The following SHISA6 variants were observed in gnomAD, a reference collection of about 807,000 sequenced individuals.
SHISA6 encodes protein shisa-6.
Under a neutral mutation model 47.9 loss-of-function variants are expected in SHISA6, and 22 were observed. The observed-to-expected ratio is 0.46, with a 90% CI of 0.33 to 0.66. The LOEUF is 0.66. Ranked by LOEUF, SHISA6 falls within the 30% of genes least tolerant of loss-of-function variation. The pLI is 0.02. For synonymous variants in SHISA6, 388 were observed against 337.8 expected (o/e 1.15, Z -1.63); for missense variants, 680 against 764.6 (o/e 0.89, Z 1.30).
intron 2 of SHISA6, among the ~76,000 whole-genome samples, chr17:11,265,751 A>C (rs1304871308): frequency 6.6e-6 from 1 of 152,110 alleles, no homozygotes; most frequent in Non-Finnish European, 1.5e-5. Context: ...TCTCATTCTC[A>C]AGCGAGCTGG....
chr17:11,462,651 C>T (rs1449776894), intron 3 of SHISA6, among the ~76,000 whole-genome samples: 1 of 151,976 alleles, frequency 6.6e-6, no homozygotes, highest in African/African-American at 2.4e-5. Context: ...GACAGGGTCT[C>T]ACTCTGTTGC....
chr17:11,400,797 A>G (rs967985496), intron 3 of SHISA6, among the ~76,000 whole-genome samples: 1 of 152,162 alleles, frequency 6.6e-6, no homozygotes, highest in Admixed American at 6.5e-5. Context: ...AGAATGCACA[A>G]TAGTTTTTCT....
chr17:11,556,056 T>C (rs1014479968), intron 5 of SHISA6, among the ~76,000 whole-genome samples, 164 bp downstream of exon 5: 3 of 152,202 alleles, frequency 2.0e-5, no homozygotes, highest in African/African-American at 7.2e-5. Context: ...TTTGCTTTTG[T>C]TCCTTATGGA....
intron 3 of SHISA6, among the ~76,000 whole-genome samples, chr17:11,450,730 GAGA>G (rs1337503394): frequency 2.0e-5 from 3 of 151,882 alleles, no homozygotes; most frequent in Non-Finnish European, 4.4e-5. Flanking sequence ...TAATCCAAGA[GAGA>G]AGGACAAGAC....
chr17:11,360,966 G>GTTTTT (rs5819314), intron 2 of SHISA6, among the ~76,000 whole-genome samples: 1 of 148,872 alleles, frequency 6.7e-6, no homozygotes, highest in Non-Finnish European at 1.5e-5. Context: ...TTTTCTCTTT[G>GTTTTT]TTTTCTTTTT....
At chr17:11,310,702 C>G (rs113648026) in intron 2 of SHISA6, among the ~76,000 whole-genome samples, 2,974 of 152,156 alleles carry the variant, frequency 0.02, 100 homozygotes, top group African/African-American at 0.062. Context: ...GGGCTGGGCG[C>G]GGTGGCTCAT....
At chr17:11,375,669 G>A (rs1815536646) in intron 2 of SHISA6, among the ~76,000 whole-genome samples, 1 of 152,120 alleles carries the variant, frequency 6.6e-6, no homozygotes, top group Admixed American at 6.5e-5. Context: ...CCTCTCTTTA[G>A]CTTGAATCTG....
chr17:11,494,806 C>G (rs2071394818), intron 3 of SHISA6, among the ~76,000 whole-genome samples: 1 of 152,182 alleles, frequency 6.6e-6, no homozygotes, highest in African/African-American at 2.4e-5. Context: ...TGGAGCAGTT[C>G]TCAATGTTGG....
intron 2 of SHISA6, among the ~76,000 whole-genome samples, chr17:11,267,673 A>C (rs1908477826): frequency 6.6e-6 from 1 of 152,198 alleles, no homozygotes; most frequent in African/African-American, 2.4e-5. Flanking sequence ...AGATTCTTTG[A>C]AGATTTTGAA....
chr17:11,487,587 C>T (rs1013287476), intron 3 of SHISA6, among the ~76,000 whole-genome samples: 16 of 152,144 alleles, frequency 1.1e-4, no homozygotes, highest in Non-Finnish European at 1.9e-4. Context: ...AGGCTCAAGC[C>T]GGAGGAATGT....
At chr17:11,274,072 A>T (rs1908784860) in intron 2 of SHISA6, among the ~76,000 whole-genome samples, 1 of 152,134 alleles carries the variant, frequency 6.6e-6, no homozygotes, top group South Asian at 2.1e-4. Flanking sequence ...TGATGATGGG[A>T]CCAGCTGTGC....
chr17:11,304,526 A>G (rs771067503), intron 2 of SHISA6, among the ~76,000 whole-genome samples: 26 of 151,962 alleles, frequency 1.7e-4, no homozygotes, highest in Non-Finnish European at 3.5e-4. Flanking sequence ...GGGTGCTGGG[A>G]GGTAGGAGAA....
intron 3 of SHISA6, among the ~76,000 whole-genome samples, chr17:11,383,308 TC>T (rs1325926396): frequency 6.6e-6 from 1 of 152,080 alleles, no homozygotes; most frequent in Non-Finnish European, 1.5e-5. Context: ...CAGCGGGGGC[TC>T]TTCCACTTCA....
chr17:11,455,741 G>A lies in SHISA6; in HGVS notation c.895+76232G>A, dbSNP rs192379335. Among the ~76,000 whole-genome samples the A allele has an allele frequency of 1.4e-3, 207 of 152,276 alleles. 1 individual carries two copies. Among genetic ancestry groups the A allele is most frequent in the Non-Finnish European group, 2.2e-3 (153 of 68,036 alleles). ...AGAGGGGTCACATTCCATTTTAGAA[G>A]GCGACATCCTCACAGCAGGGCACTA... is the stretch of plus-strand genomic sequence containing the variant. On this transcript the variant is annotated intron_variant, in intron 3 of 5. Transcript: ENST00000441885.
At chr17:11,283,635 C>T (rs1439487502) in intron 2 of SHISA6, among the ~76,000 whole-genome samples, 3 of 152,160 alleles carry the variant, frequency 2.0e-5, no homozygotes, top group African/African-American at 7.2e-5. Flanking sequence ...AACCCTAGCA[C>T]CATGCCATAT....
At chr17:11,507,126 A>G (rs1354240169) in intron 3 of SHISA6, among the ~76,000 whole-genome samples, 1 of 152,216 alleles carries the variant, frequency 6.6e-6, no homozygotes, top group Non-Finnish European at 1.5e-5. Context: ...GAAGACAATG[A>G]CATCCACCAC....
chr17:11,382,778 A>C (rs1454281631), intron 3 of SHISA6, among the ~76,000 whole-genome samples: 1 of 152,138 alleles, frequency 6.6e-6, no homozygotes, highest in Non-Finnish European at 1.5e-5. Flanking sequence ...TTTGCAAGGT[A>C]ATACCATTGC....
intron 1 of SHISA6, among the ~76,000 whole-genome samples, chr17:11,261,112 GGAGGGGGGTCACCAAT>G (rs1035552512): frequency 3.3e-5 from 5 of 152,114 alleles, no homozygotes; most frequent in Admixed American, 6.5e-5. Flanking sequence ...ACCAGAGCAA[GGAGGGGGGTCACCAAT>G]GGAGGGAGGG....
At chr17:11,304,724 T>C (rs1470112306) in intron 2 of SHISA6, among the ~76,000 whole-genome samples, 1 of 151,940 alleles carries the variant, frequency 6.6e-6, no homozygotes, top group Non-Finnish European at 1.5e-5. Context: ...CCAAAATAAC[T>C]CTGGGAACTT....
Sources: gnomAD v4.1 joint callset for allele counts (sites outside exome capture counted in the v4.1 genomes callset) on GRCh38, gnomAD v4.1.1 for gene constraint, MANE v1.5 for transcripts, NCBI Gene and HGNC (gene_info 2026-07-23, HGNC 2026-07-21) for gene names.